The following FUT8 variants were observed in gnomAD, a reference collection of about 807,000 sequenced individuals.
The protein encoded by FUT8 is alpha-(1,6)-fucosyltransferase.
Under a neutral mutation model 71.3 loss-of-function variants are expected in FUT8, and 29 were observed. The ratio of observed to expected loss-of-function variants is 0.41; its 90% CI spans 0.30 to 0.55. The LOEUF is 0.55. Ranked by LOEUF, FUT8 falls within the 20% of genes least tolerant of loss-of-function variation. FUT8 has a pLI of 0.34. For synonymous variants in FUT8, 254 were observed against 239.3 expected (o/e 1.06, Z -0.57); for missense variants, 544 against 702.1 (o/e 0.77, Z 2.55).
At chr14:65,589,856 CACA>C (rs1386245071) in intron 3 of FUT8, among the ~76,000 whole-genome samples, 3 of 152,112 alleles carry the variant, frequency 2.0e-5, no homozygotes, top group African/African-American at 4.8e-5. Flanking sequence ...AAATTTTTGA[CACA>C]ACAAGAGATT....
At chr14:65,664,971 GA>G (rs11458506) in intron 6 of FUT8, among the ~76,000 whole-genome samples, 19 of 149,718 alleles carry the variant, frequency 1.3e-4, no homozygotes, top group African/African-American at 4.7e-4. Flanking sequence ...CTTTAGAATG[GA>G]AAAAAAAAAG....
chr14:65,609,394 A>G (rs1032163254), intron 3 of FUT8, among the ~76,000 whole-genome samples: 11 of 151,724 alleles, frequency 7.3e-5, no homozygotes, highest in Non-Finnish European at 1.3e-4. Flanking sequence ...AGTGAAATCC[A>G]GTTTATCAAT....
chr14:65,452,562 G>A (rs1053567742), intron 1 of FUT8, among the ~76,000 whole-genome samples: 5 of 152,186 alleles, frequency 3.3e-5, no homozygotes, highest in Non-Finnish European at 5.9e-5. Flanking sequence ...GGCAGCTAGA[G>A]TTCACAAGGT....
intron 3 of FUT8, among the ~76,000 whole-genome samples, chr14:65,591,797 T>C (rs1365910567): frequency 6.6e-6 from 1 of 151,864 alleles, no homozygotes; most frequent in African/African-American, 2.4e-5. Flanking sequence ...TATTGTGGCA[T>C]GTAAACCAAG....
intron 6 of FUT8, among the ~76,000 whole-genome samples, chr14:65,633,885 A>G (rs79556464): frequency 0.98 from 148,820 of 151,362 alleles, 73,219 homozygotes; most frequent in Middle Eastern, 1. Flanking sequence ...TGCCCTGTCC[A>G]GGAGGGAGGT....
intron 1 of FUT8, among the ~76,000 whole-genome samples, chr14:65,420,455 A>G (rs950693229): frequency 5.3e-5 from 8 of 152,054 alleles, no homozygotes; most frequent in Non-Finnish European, 8.8e-5. Flanking sequence ...AGAGGCTTAG[A>G]GTAGTACAGA....
intron 3 of FUT8, among the ~76,000 whole-genome samples, chr14:65,578,824 A>C (rs1366759262): frequency 2.0e-5 from 3 of 152,188 alleles, no homozygotes; most frequent in African/African-American, 7.2e-5. Flanking sequence ...AATGTAAAAT[A>C]GCACACTATG....
the FUT8 span, among the ~76,000 whole-genome samples, chr14:65,390,047 G>A: frequency 1.3e-5 from 2 of 151,378 alleles, no homozygotes; most frequent in African/African-American, 4.8e-5. Context: ...AGGCTGAGGT[G>A]GGAGGATCGC....
chr14:65,371,320 A>G, the FUT8 span, among the ~76,000 whole-genome samples: 4 of 152,246 alleles, frequency 2.6e-5, no homozygotes, highest in East Asian at 1.9e-4. Flanking sequence ...TATATTTCCT[A>G]CAAACAAGGA....
chr14:65,360,408 G>A, the FUT8 span, among the ~76,000 whole-genome samples: 1 of 152,188 alleles, frequency 6.6e-6, no homozygotes, highest in East Asian at 1.9e-4. Flanking sequence ...AACATTCCAA[G>A]CTTTTAAAGC....
At chr14:65,420,024 A>G (rs2065270280) in intron 1 of FUT8, among the ~76,000 whole-genome samples, 1 of 152,210 alleles carries the variant, frequency 6.6e-6, no homozygotes, top group South Asian at 2.1e-4. Flanking sequence ...AAGTAAACAA[A>G]CACACAATAT....
chr14:65,620,782 T>C (rs1889568253), intron 5 of FUT8, among the ~76,000 whole-genome samples: 1 of 152,230 alleles, frequency 6.6e-6, no homozygotes, highest in African/African-American at 2.4e-5. Flanking sequence ...TATTCTTTCT[T>C]GAATTTCGGA....
chr14:65,451,462 C>T (rs1303653937), intron 1 of FUT8, among the ~76,000 whole-genome samples: 1 of 152,260 alleles, frequency 6.6e-6, no homozygotes, highest in Non-Finnish European at 1.5e-5. Context: ...TTTAGCTCCG[C>T]TGTCCGTGGA....
chr14:65,731,966 T>C (rs1176470649), intron 9 of FUT8, among the ~76,000 whole-genome samples: 4 of 152,200 alleles, frequency 2.6e-5, no homozygotes, highest in African/African-American at 7.2e-5. Flanking sequence ...TTTTATCAGT[T>C]CCCCCCTTTC....
At chr14:65,554,846 T>G (rs1277784772) in intron 2 of FUT8, among the ~76,000 whole-genome samples, 1 of 152,220 alleles carries the variant, frequency 6.6e-6, no homozygotes, top group East Asian at 1.9e-4. Context: ...TCTTTGTAAC[T>G]TTTGATAAAA....
chr14:65,567,490 G>T (rs549435403), intron 3 of FUT8, among the ~76,000 whole-genome samples: 1 of 151,966 alleles, frequency 6.6e-6, no homozygotes, highest in Non-Finnish European at 1.5e-5. Flanking sequence ...CTAGTTGGTT[G>T]GTTGGAAGAT....
At chr14:65,481,270 A>G (rs1253818309) in intron 2 of FUT8, among the ~76,000 whole-genome samples, 2 of 152,106 alleles carry the variant, frequency 1.3e-5, no homozygotes, top group African/African-American at 4.8e-5. Context: ...AGAAATACCT[A>G]TTTAAGTCCT....
intron 7 of FUT8, among the ~76,000 whole-genome samples, chr14:65,718,024 CTA>C (rs1895213674): frequency 6.6e-6 from 1 of 152,236 alleles, no homozygotes; most frequent in Admixed American, 6.5e-5. Context: ...TTCAGCCACT[CTA>C]TGTCTTTTGA....
intron 7 of FUT8, among the ~76,000 whole-genome samples, chr14:65,689,956 C>G (rs149404700): frequency 2.0e-5 from 3 of 152,320 alleles, no homozygotes; most frequent in Non-Finnish European, 4.4e-5. Context: ...AAATAATCTC[C>G]TGTGTTATCC....
Sources: gnomAD v4.1 joint callset for allele counts (sites outside exome capture counted in the v4.1 genomes callset) on GRCh38, gnomAD v4.1.1 for gene constraint, MANE v1.5 for transcripts, NCBI Gene and HGNC (gene_info 2026-07-23, HGNC 2026-07-21) for gene names.